Variants in EXT1 observed in about 807,000 individuals in gnomAD.
The protein encoded by EXT1 is exostosin-1.
A neutral mutation model predicts 82.5 loss-of-function variants in EXT1; 20 were observed. The observed-to-expected ratio is 0.24, with a 90% confidence interval of 0.17 to 0.35. EXT1 has a LOEUF of 0.35. Among genes scored for constraint, EXT1 ranks in the 10% least tolerant of loss-of-function variants. The pLI is 1.00. For synonymous variants in EXT1, 348 were observed against 350.8 expected, an observed-to-expected ratio of 0.99 and a Z score of 0.09; for missense variants, 757 against 936.5, an observed-to-expected ratio of 0.81 and a Z score of 2.50.
At chr8:118,007,150 A>G (rs1198636525) in intron 1 of EXT1, among the ~76,000 whole-genome samples, 1 of 152,168 alleles carries the variant, frequency 6.6e-6, no homozygotes, top group African/African-American at 2.4e-5. Context: ...ACAAAAAATT[A>G]GCTGGGCGTG....
At chr8:118,053,932 A>G (rs1157695345) in intron 1 of EXT1, among the ~76,000 whole-genome samples, 1 of 152,218 alleles carries the variant, frequency 6.6e-6, no homozygotes, top group East Asian at 1.9e-4. Context: ...TTACTAAAGC[A>G]GTGGTCTTCA....
At chr8:118,036,691 C>A (rs1315499851) in intron 1 of EXT1, among the ~76,000 whole-genome samples, 1 of 152,132 alleles carries the variant, frequency 6.6e-6, no homozygotes, top group Non-Finnish European at 1.5e-5. Flanking sequence ...AGTAAGGTCA[C>A]AGCACTGGGT....
At chr8:118,066,782 T>G (rs1586373823) in intron 1 of EXT1, among the ~76,000 whole-genome samples, 1 of 152,206 alleles carries the variant, frequency 6.6e-6, no homozygotes, top group African/African-American at 2.4e-5. Flanking sequence ...TGTTACGTTT[T>G]CAGGGAGTCA....
At chr8:118,097,058 C>T (rs920204364) in intron 1 of EXT1, among the ~76,000 whole-genome samples, 1 of 152,012 alleles carries the variant, frequency 6.6e-6, no homozygotes, top group African/African-American at 2.4e-5. Context: ...CCCAAGGAGG[C>T]CTTTCTTTCC....
At chr8:117,813,029 T>G in intron 7 of EXT1, 68 bp from the exon 8 acceptor site, 1 of 1,266,568 alleles carries the variant, frequency 7.9e-7, no homozygotes, top group Non-Finnish European at 1.1e-6. Context: ...AGTCTTGTTT[T>G]CAGGACAATT....
intron 1 of EXT1, among the ~76,000 whole-genome samples, chr8:118,034,178 G>A (rs891194987): frequency 1.3e-5 from 2 of 152,100 alleles, no homozygotes; most frequent in Non-Finnish European, 2.9e-5. Flanking sequence ...CATTTTTAAA[G>A]AGGTGATTCT....
intron 1 of EXT1, among the ~76,000 whole-genome samples, chr8:118,024,988 C>T (rs780803127): frequency 3.9e-5 from 6 of 152,080 alleles, no homozygotes; most frequent in African/African-American, 7.2e-5. Flanking sequence ...TTTCTATGTA[C>T]GTGTATGTAT....
chr8:118,026,465 T>C (rs1376936033), intron 1 of EXT1, among the ~76,000 whole-genome samples: 2 of 152,246 alleles, frequency 1.3e-5, no homozygotes, highest in East Asian at 3.8e-4. Context: ...CTCTTGGTTA[T>C]AGGTCAATAT....
chr8:117,850,471 A>G (rs906700642), intron 1 of EXT1, among the ~76,000 whole-genome samples: 4 of 152,134 alleles, frequency 2.6e-5, no homozygotes, highest in East Asian at 1.9e-4. Flanking sequence ...TGGAATTATA[A>G]AAGTTTTGGA....
At position 117,796,365 on chromosome 8, in the gene EXT1, T is replaced by G. The variant is rs1489912972; in HGVS notation, c.*3347A>C. ...TTCTTAAATCAAGTGCCCTGTTTTT[T>G]TTTTTTTTAATTAAAAAAAATAGTA... On this transcript the variant is annotated 3_prime_UTR_variant, in exon 11 of 11. Coordinates refer to ENST00000378204, the MANE Select transcript of EXT1 (RefSeq NM_000127.3). 2.0e-5 allele frequency: 3 copies of G among 151,986 alleles called. No individual in the cohort carries two copies. The highest frequency in any genetic ancestry group is 7.2e-5 in the African/African-American group (3 of 41,390). 9.4% of individuals were successfully genotyped at this position (151,986 alleles called of 1,614,324 possible). A position where few individuals can be genotyped will look rare whatever the true frequency, so the allele number is the denominator to read the frequency against.
chr8:117,940,378 C>T (rs1027578439), intron 1 of EXT1, among the ~76,000 whole-genome samples: 21 of 152,134 alleles, frequency 1.4e-4, no homozygotes, highest in African/African-American at 4.6e-4. Context: ...GAAAGAGTGG[C>T]AAGCTGAGCT....
rs1294490923 is a variant in EXT1 at position 117,804,814 on chromosome 8, T to C, written c.1963A>G (p.Ile655Val). ...GCAGACACCAGGAAGTTCATGAGAA[T>C]GTCCTCACAATTGGCCAATTGGTCC... Reference protein sequence around the residue: ...MVDQLANCEDILMNFLVSAVT... With the variant: ...MVDQLANCEDVLMNFLVSAVT... Residue 655 changes from isoleucine (I) to valine (V), a missense_variant, in exon 10 of 11, where the codon ATT (isoleucine) becomes GTT (valine). This residue lies in a region of EXT1 where 128 missense variants were observed against 223.2 expected (regional missense o/e 0.57). Transcript: ENST00000378204. 7 of 1,614,036 alleles carry C rather than the reference T, an allele frequency of 4.3e-6. No individual in the cohort carries two copies. Among genetic ancestry groups the C allele is most frequent in the Non-Finnish European group, 5.9e-6 (7 of 1,179,994 alleles).
At chr8:118,054,827 C>T (rs1192365508) in intron 1 of EXT1, among the ~76,000 whole-genome samples, 1 of 152,192 alleles carries the variant, frequency 6.6e-6, no homozygotes, top group Non-Finnish European at 1.5e-5. Context: ...ACTGACTGAT[C>T]AAACAATAAT....
At chr8:118,046,631 T>A (rs907476022) in intron 1 of EXT1, among the ~76,000 whole-genome samples, 1 of 152,212 alleles carries the variant, frequency 6.6e-6, no homozygotes, top group Non-Finnish European at 1.5e-5. Context: ...TCCTCTGAAG[T>A]GACTTTTAGA....
chr8:117,850,081 A>G (rs1440683632), intron 1 of EXT1, among the ~76,000 whole-genome samples: 1 of 152,144 alleles, frequency 6.6e-6, no homozygotes, highest in African/African-American at 2.4e-5. Flanking sequence ...CTGTTTTTAG[A>G]GTATGAATTT....
chr8:118,068,358 G>A (rs1360110529), intron 1 of EXT1, among the ~76,000 whole-genome samples: 3 of 152,170 alleles, frequency 2.0e-5, no homozygotes, highest in East Asian at 3.8e-4. Context: ...GTACTTGTGC[G>A]GGATGCACAG....
intron 1 of EXT1, among the ~76,000 whole-genome samples, chr8:118,007,027 G>A (rs1341192189): frequency 6.6e-6 from 1 of 152,218 alleles, no homozygotes; most frequent in Non-Finnish European, 1.5e-5. Context: ...GCCGGGCGCG[G>A]TGGCTCACGC....
At chr8:117,919,004 A>G (rs1261673933) in intron 1 of EXT1, among the ~76,000 whole-genome samples, 1 of 151,958 alleles carries the variant, frequency 6.6e-6, no homozygotes, top group African/African-American at 2.4e-5. Flanking sequence ...AATACAGCTT[A>G]CCTCTCCAAA....
intron 10 of EXT1, among the ~76,000 whole-genome samples, chr8:117,802,251 C>T (rs537351322): frequency 6.6e-6 from 1 of 152,028 alleles, no homozygotes; most frequent in East Asian, 1.9e-4. Context: ...CAAATCCACC[C>T]CCTAAGAGGC....
Sources: allele counts gnomAD v4.1 joint callset (sites outside exome capture counted in the v4.1 genomes callset), GRCh38; gene constraint gnomAD v4.1.1; regional missense constraint gnomAD v4.1.1; transcripts MANE v1.5; gene names NCBI Gene and HGNC (gene_info 2026-07-23, HGNC 2026-07-21).